Variants in XKR9 observed in about 807,000 individuals in gnomAD.
XKR9 encodes the protein XK-related protein 9.
A neutral mutation model predicts 32.0 loss-of-function variants in XKR9; 32 were observed. The observed-to-expected ratio is 1.00, with a 90% CI of 0.76 to 1.34. The LOEUF (loss-of-function observed/expected upper bound fraction) is 1.34. Among genes scored for constraint, XKR9 ranks in the 40% most tolerant of loss-of-function variants. XKR9 has a pLI of 0.00. For missense variants in XKR9, 546 were observed against 429.7 expected (o/e 1.27, Z -2.39); for synonymous variants, 168 against 143.4 (o/e 1.17, Z -1.22).
intron 4 of XKR9, among the ~76,000 whole-genome samples, chr8:70,727,432 G>A (rs201734802): frequency 2.5e-4 from 38 of 150,842 alleles, no homozygotes; most frequent in Middle Eastern, 3.4e-3. Context: ...ACAGAGTCTC[G>A]CTCTGTCACC....
At chr8:70,971,772 A>ATTTT in the XKR9 span, among the ~76,000 whole-genome samples, 710 of 151,894 alleles carry the variant, frequency 4.7e-3, 8 homozygotes, top group African/African-American at 0.016. Context: ...GTTGGGTGTA[A>ATTTT]GTATTTTGCT....
At chr8:71,064,443 G>T in the XKR9 span, among the ~76,000 whole-genome samples, 1 of 151,894 alleles carries the variant, frequency 6.6e-6, no homozygotes, top group Non-Finnish European at 1.5e-5. Flanking sequence ...TTATATCATT[G>T]TCAACAGACA....
the XKR9 span, among the ~76,000 whole-genome samples, chr8:70,984,495 A>G: frequency 6.6e-6 from 1 of 152,198 alleles, no homozygotes; most frequent in East Asian, 1.9e-4. Flanking sequence ...AGACTCAGTA[A>G]AACATAAGCC....
At chr8:70,979,521 G>A in the XKR9 span, among the ~76,000 whole-genome samples, 3 of 152,196 alleles carry the variant, frequency 2.0e-5, no homozygotes, top group African/African-American at 4.8e-5. Flanking sequence ...CTTGGAGTTT[G>A]CTGGAGGTCC....
chr8:70,787,082 G>A (rs1245495121), intron 2 of XKR9, among the ~76,000 whole-genome samples: 1 of 152,196 alleles, frequency 6.6e-6, no homozygotes, highest in African/African-American at 2.4e-5. Context: ...TAATCCTGGA[G>A]CAAAGCTTGT....
chr8:70,713,922 C>A (rs575885766), intron 4 of XKR9, among the ~76,000 whole-genome samples: 1 of 152,234 alleles, frequency 6.6e-6, no homozygotes, highest in African/African-American at 2.4e-5. Context: ...AACAGTAGAA[C>A]TTTATTTTCT....
In XKR9 at chr8:70,724,444, A is replaced by AT. The variant is rs528378875; in HGVS notation, c.494-9352_494-9351insT. On this transcript the variant is annotated intron_variant, in intron 4 of 4. Coordinates refer to ENST00000408926, the MANE Select transcript of XKR9 (RefSeq NM_001011720.2). ...CACTGGGGTAGGAAAAAAAAAAAAA[A>AT]AACTCCTGCAGCTAGCTTGGTGTCT... 2.6e-4 allele frequency among the ~76,000 whole-genome samples: 40 copies of AT among 151,776 alleles called. No homozygotes were observed. The South Asian group carries it at 8.4e-3, about 32-fold the overall frequency.
chr8:70,876,415 T>C, the XKR9 span, among the ~76,000 whole-genome samples: 2 of 152,054 alleles, frequency 1.3e-5, no homozygotes, highest in South Asian at 4.2e-4. Flanking sequence ...TTTCACCATG[T>C]TGGTCAGGCT....
chr8:70,748,023 T>C (rs1268848579), intron 2 of XKR9, among the ~76,000 whole-genome samples: 1 of 152,260 alleles, frequency 6.6e-6, no homozygotes, highest in Non-Finnish European at 1.5e-5. Context: ...ATAGTATTTT[T>C]TGAACTTGAT....
chr8:70,949,755 G>A, the XKR9 span, among the ~76,000 whole-genome samples: 1 of 152,080 alleles, frequency 6.6e-6, no homozygotes, highest in Admixed American at 6.6e-5. Flanking sequence ...AATCTCTCAG[G>A]TAAGGGGTCG....
chr8:70,873,237 G>T, the XKR9 span, among the ~76,000 whole-genome samples: 7 of 152,310 alleles, frequency 4.6e-5, no homozygotes, highest in Non-Finnish European at 7.3e-5. Flanking sequence ...GATGAATGTT[G>T]TTTTCATGCC....
In XKR9 at chr8:70,751,953, G is replaced by A. The variant is rs555257979; in HGVS notation, n.353-37386G>A. The stretch of plus-strand genomic sequence containing the variant: ...ATTCCCATAATGAAGCCCGTCTCAT[G>A]TATCTCTCTTTATATCCTATTGGTT... On this transcript the variant is annotated intron_variant and non_coding_transcript_variant, in intron 2 of 3. Coordinates refer to the XKR9 transcript ENST00000520273. Among the ~76,000 whole-genome samples, 7 of 152,314 alleles carry A rather than the reference G, an allele frequency of 4.6e-5. No homozygotes were observed. In the South Asian group the frequency reaches 1.0e-3, roughly 23 times the overall value.
At chr8:70,753,689 G>C (rs1333789776) in intron 2 of XKR9, among the ~76,000 whole-genome samples, 1 of 151,966 alleles carries the variant, frequency 6.6e-6, no homozygotes, top group Non-Finnish European at 1.5e-5. Context: ...AATAGATGCA[G>C]AAAAGGCCTT....
the XKR9 span, among the ~76,000 whole-genome samples, chr8:70,935,683 A>G: frequency 6.6e-6 from 1 of 152,094 alleles, no homozygotes; most frequent in Admixed American, 6.6e-5. Context: ...CATAAAATCT[A>G]GAATTAAGAA....
intron 2 of XKR9, among the ~76,000 whole-genome samples, chr8:70,746,904 C>A (rs976609225): frequency 1.3e-5 from 2 of 152,026 alleles, no homozygotes; most frequent in Non-Finnish European, 2.9e-5. Context: ...AATTTTCAAC[C>A]CTTGCCCTCC....
intron 2 of XKR9, among the ~76,000 whole-genome samples, chr8:70,750,224 A>AT (rs2130182019): frequency 6.6e-6 from 1 of 152,308 alleles, no homozygotes; most frequent in African/African-American, 2.4e-5. Flanking sequence ...GGTCATATAA[A>AT]TTAGGGATTG....
chr8:71,033,561 G>T, the XKR9 span, among the ~76,000 whole-genome samples: 1 of 152,090 alleles, frequency 6.6e-6, no homozygotes, highest in African/African-American at 2.4e-5. Flanking sequence ...GCTTAGTTGC[G>T]GGGTGTTTGG....
At chr8:70,792,712 C>T (rs186834999), downstream of XKR9, among the ~76,000 whole-genome samples, 21 of 152,068 alleles carry the variant, frequency 1.4e-4, 1 homozygote, top group Admixed American at 1.4e-3. Context: ...AAGAAGGCTT[C>T]AAGGAGGGAA....
chr8:70,900,600 G>A, the XKR9 span, among the ~76,000 whole-genome samples: 2 of 131,068 alleles, frequency 1.5e-5, no homozygotes, highest in African/African-American at 5.4e-5. Context: ...AAAATTAAAT[G>A]AATAAATAAA....
Sources: gnomAD v4.1 joint callset for allele counts (sites outside exome capture counted in the v4.1 genomes callset) on GRCh38, gnomAD v4.1.1 for gene constraint, MANE v1.5 for transcripts, NCBI Gene and HGNC (gene_info 2026-07-23, HGNC 2026-07-21) for gene names.